The following PRICKLE2 variants were observed in gnomAD, a reference collection of about 807,000 sequenced individuals.
PRICKLE2 encodes the protein prickle-like protein 2.
PRICKLE2 carries 21 observed loss-of-function variants against 81.4 expected under a neutral mutation model. The ratio of observed to expected loss-of-function variants is 0.26; its 90% confidence interval spans 0.18 to 0.37. The LOEUF is 0.37. Among genes scored for constraint, PRICKLE2 ranks in the 10% least tolerant of loss-of-function variants. PRICKLE2 has a pLI of 1.00. For missense variants in PRICKLE2, 940 were observed against 1,109.0 expected (o/e 0.85, Z 2.16); for synonymous variants, 456 against 421.5 (o/e 1.08, Z -1.00).
chr3:64,247,544 T>C (rs1324153389), intron 2 of PRICKLE2, among the ~76,000 whole-genome samples: 1 of 152,226 alleles, frequency 6.6e-6, no homozygotes, highest in Non-Finnish European at 1.5e-5. Flanking sequence ...TGGATTCTTT[T>C]GAATCCATTG....
intron 2 of PRICKLE2, among the ~76,000 whole-genome samples, chr3:64,188,938 A>C (rs528068343): frequency 4.6e-5 from 7 of 152,250 alleles, no homozygotes; most frequent in East Asian, 1.9e-4. Context: ...TTGTTAATAG[A>C]CGTCGGTCTC....
At position 64,093,676 on chromosome 3, in the gene PRICKLE2, G is replaced by A. The variant is rs897255290; in HGVS notation, c.*5375C>T. On this transcript the variant is annotated 3_prime_UTR_variant, in exon 8 of 8. Coordinates refer to ENST00000638394, the MANE Select transcript of PRICKLE2 (RefSeq NM_198859.4). ...ATGCACAGGACAGCCCTCTGCAACC[G>A]AGAATTAACTAGCACAAGACGTCAA... 6.6e-6 allele frequency: 1 copy of A among 152,082 alleles called. No homozygotes were observed. Among genetic ancestry groups the A allele is most frequent in the Non-Finnish European group, 1.5e-5 (1 of 68,026 alleles). 9.4% of individuals were successfully genotyped at this position (152,082 alleles called of 1,614,324 possible).
At chr3:64,117,341 C>T (rs1559518491) in intron 7 of PRICKLE2, among the ~76,000 whole-genome samples, 1 of 152,032 alleles carries the variant, frequency 6.6e-6, no homozygotes, top group Non-Finnish European at 1.5e-5. Context: ...TATTAGGAGT[C>T]CTGGCCAGGG....
At chr3:64,196,004 G>T (rs1037041071) in intron 2 of PRICKLE2, among the ~76,000 whole-genome samples, 1 of 152,170 alleles carries the variant, frequency 6.6e-6, no homozygotes, top group Non-Finnish European at 1.5e-5. Context: ...CTTGTTCAAT[G>T]GCACTAATGA....
chr3:64,230,660 A>G (rs1349653646), intron 2 of PRICKLE2, among the ~76,000 whole-genome samples: 1 of 152,146 alleles, frequency 6.6e-6, no homozygotes, highest in African/African-American at 2.4e-5. Flanking sequence ...CTCCAACAAA[A>G]AAGACCTGAA....
chr3:64,165,975 T>C (rs1026024796), intron 2 of PRICKLE2, among the ~76,000 whole-genome samples: 3 of 25,936 alleles, frequency 1.2e-4, no homozygotes, highest in African/African-American at 3.7e-4. Flanking sequence ...TGTGTGTGTG[T>C]GTGTGTGTGT....
At chr3:64,173,913 C>A (rs1173437100) in intron 2 of PRICKLE2, among the ~76,000 whole-genome samples, 1 of 152,140 alleles carries the variant, frequency 6.6e-6, no homozygotes, top group Admixed American at 6.5e-5. Flanking sequence ...TCTAAACTCC[C>A]AGGAATAATA....
At chr3:64,177,011 G>C (rs1293468815) in intron 2 of PRICKLE2, among the ~76,000 whole-genome samples, 1 of 150,960 alleles carries the variant, frequency 6.6e-6, no homozygotes, top group Non-Finnish European at 1.5e-5. Flanking sequence ...GGATGAGCTA[G>C]AGTATGACAC....
At chr3:64,224,784 A>C in intron 1 of PRICKLE2, 126 bp downstream of exon 1, 1 of 408,526 alleles carries the variant, frequency 2.4e-6, no homozygotes, top group Non-Finnish European at 3.3e-6. Context: ...CAAAAATGCT[A>C]CCTGGCCAAG....
chr3:64,179,278 GT>G (rs1407849425), intron 2 of PRICKLE2, among the ~76,000 whole-genome samples: 1 of 151,972 alleles, frequency 6.6e-6, no homozygotes, highest in African/African-American at 2.4e-5. Context: ...GTTTCTCCAT[GT>G]TGGTCAGGCT....
intron 2 of PRICKLE2, among the ~76,000 whole-genome samples, chr3:64,241,715 G>A (rs2079268202): frequency 6.6e-6 from 1 of 152,118 alleles, no homozygotes; most frequent in Admixed American, 6.5e-5. Flanking sequence ...CCTGTGTCCT[G>A]CTGCAGAAAT....
chr3:64,218,522 C>T (rs844190), intron 1 of PRICKLE2, among the ~76,000 whole-genome samples: 17,652 of 152,256 alleles, frequency 0.12, 1,350 homozygotes, highest in East Asian at 0.39. Context: ...CCTCTCTGTG[C>T]TTAGTTACTG....
chr3:64,138,453 G>A (rs765176353), intron 7 of PRICKLE2, among the ~76,000 whole-genome samples: 5 of 152,200 alleles, frequency 3.3e-5, no homozygotes, highest in Non-Finnish European at 5.9e-5. Flanking sequence ...GATGGACATT[G>A]GTCTGCAGTG....
At chr3:64,154,746 T>C (rs771928390) in intron 5 of PRICKLE2, 2 of 152,180 alleles carry the variant, frequency 1.3e-5, no homozygotes, top group African/African-American at 2.4e-5. Flanking sequence ...AAGGACATCA[T>C]CGAGTAAGTG....
At chr3:64,216,662 A>G (rs889458975) in intron 1 of PRICKLE2, among the ~76,000 whole-genome samples, 1 of 152,234 alleles carries the variant, frequency 6.6e-6, no homozygotes, top group Non-Finnish European at 1.5e-5. Flanking sequence ...CTGGTTAGGC[A>G]GCCAAACTGA....
chr3:64,215,475 T>G (rs998688973), intron 1 of PRICKLE2, among the ~76,000 whole-genome samples: 1 of 152,248 alleles, frequency 6.6e-6, no homozygotes, highest in African/African-American at 2.4e-5. Flanking sequence ...TTAAAATCCT[T>G]TATCTAGAAT....
intron 5 of PRICKLE2, among the ~76,000 whole-genome samples, chr3:64,155,366 G>GAAA (rs56209328): frequency 2.0e-5 from 3 of 146,718 alleles, no homozygotes; most frequent in African/African-American, 7.6e-5. Flanking sequence ...TAGCTATAAT[G>GAAA]AAAAAAAAAA....
At chr3:64,263,338 G>A (rs979462393) in intron 2 of PRICKLE2, among the ~76,000 whole-genome samples, 2 of 152,314 alleles carry the variant, frequency 1.3e-5, no homozygotes, top group South Asian at 4.1e-4. Flanking sequence ...TGAAGCTCAT[G>A]AGGTTAAGTG....
intron 2 of PRICKLE2, among the ~76,000 whole-genome samples, chr3:64,182,477 A>G (rs2078152524): frequency 6.7e-6 from 1 of 149,396 alleles, no homozygotes; most frequent in Admixed American, 6.8e-5. Flanking sequence ...CCTAGGTGAC[A>G]GAATGAAACC....
Sources: allele counts gnomAD v4.1 joint callset (sites outside exome capture counted in the v4.1 genomes callset), GRCh38; gene constraint gnomAD v4.1.1; transcripts MANE v1.5; gene names NCBI Gene and HGNC (gene_info 2026-07-23, HGNC 2026-07-21).